Variants in MAP2 observed in about 807,000 individuals in gnomAD.
MAP2 encodes the protein microtubule associated protein 2, also known as microtubule-associated protein 2.
In MAP2, 14 loss-of-function variants were observed where a neutral mutation model predicts 137.6. The observed-to-expected ratio is 0.10, with a 90% confidence interval of 0.07 to 0.16. MAP2 has a LOEUF of 0.16. Among genes scored for constraint, MAP2 ranks in the 10% least tolerant of loss-of-function variants. MAP2 has a pLI of 1.00. For synonymous variants in MAP2, 786 were observed against 782.3 expected (o/e 1.00, Z -0.08); for missense variants, 2,088 against 2,191.5 (o/e 0.95, Z 0.94).
intron 5 of MAP2, among the ~76,000 whole-genome samples, chr2:209,674,710 A>G (rs1422604197): frequency 6.6e-6 from 1 of 151,800 alleles, no homozygotes; most frequent in African/African-American, 2.4e-5. Context: ...TACATATATA[A>G]TCACACACAT....
intron 1 of MAP2, among the ~76,000 whole-genome samples, chr2:209,445,350 GAATAT>G (rs1030473872): frequency 1.3e-5 from 2 of 151,630 alleles, no homozygotes; most frequent in African/African-American, 4.8e-5. Flanking sequence ...TGGTGAAAGT[GAATAT>G]CACTGAAAGC....
intron 1 of MAP2, among the ~76,000 whole-genome samples, chr2:209,474,551 A>G (rs1706673330): frequency 6.6e-6 from 1 of 152,078 alleles, no homozygotes; most frequent in Non-Finnish European, 1.5e-5. Context: ...ATATTCCATA[A>G]TCTCCTGCTT....
chr2:209,610,583 G>A (rs1175189931), intron 3 of MAP2, among the ~76,000 whole-genome samples: 1 of 151,748 alleles, frequency 6.6e-6, no homozygotes, highest in Non-Finnish European at 1.5e-5. Context: ...CAAATAACTT[G>A]TTATCAAAAG....
intron 1 of MAP2, among the ~76,000 whole-genome samples, chr2:209,482,798 T>C (rs1163854094): frequency 6.6e-6 from 1 of 152,250 alleles, no homozygotes; most frequent in Non-Finnish European, 1.5e-5. Flanking sequence ...TTTGCCTGTT[T>C]CTGTAAGATT....
At chr2:209,554,607 G>C (rs781204407) in intron 2 of MAP2, among the ~76,000 whole-genome samples, 1 of 152,054 alleles carries the variant, frequency 6.6e-6, no homozygotes, top group African/African-American at 2.4e-5. Flanking sequence ...GGACAACGTG[G>C]TGAAGCGTTG....
At chr2:209,718,645 G>T (rs555403770) in intron 13 of MAP2, among the ~76,000 whole-genome samples, 1 of 152,080 alleles carries the variant, frequency 6.6e-6, no homozygotes, top group African/African-American at 2.4e-5. Flanking sequence ...TGTGCCATGC[G>T]ACTCAGCTTG....
intron 2 of MAP2, among the ~76,000 whole-genome samples, chr2:209,572,658 C>T (rs547375652): frequency 8.5e-5 from 13 of 152,188 alleles, no homozygotes; most frequent in Middle Eastern, 3.4e-3. Context: ...TCAAGTGATT[C>T]AAGGATTCTA....
At position 209,694,095 on chromosome 2, in the gene MAP2, A is replaced by G; in HGVS notation, c.1925A>G (p.Gln642Arg). 1 of 1,613,836 alleles carries G rather than the reference A, an allele frequency of 6.2e-7. No individual in the cohort carries two copies. Among genetic ancestry groups the G allele is most frequent in the South Asian group, 1.1e-5 (1 of 91,036 alleles). ...GAAGCAGGGTACAGCACTCTCGCAC[A>G]GAGTTATCCATCAGATTTACCTGAA... ...AQEAGYSTLA[Q>R]SYPSDLPEEP... The change falls in exon 8 of 16, where the codon CAG (glutamine) becomes CGG (arginine). Residue 642 changes from glutamine to arginine, a missense_variant. Physicochemically the swap from Gln to Arg is conservative, Grantham distance 43 (BLOSUM62 1). This residue lies in a region of MAP2 where 859 missense variants were observed against 794.5 expected (regional missense o/e 1.08). Coordinates refer to ENST00000682079, the MANE Select transcript of MAP2 (RefSeq NM_001375505.1).
At chr2:209,488,238 C>T (rs923836824) in intron 1 of MAP2, among the ~76,000 whole-genome samples, 12 of 152,180 alleles carry the variant, frequency 7.9e-5, no homozygotes, top group African/African-American at 2.4e-4. Context: ...CCGTGAGAGA[C>T]GGAGCTATCT....
intron 1 of MAP2, among the ~76,000 whole-genome samples, chr2:209,480,702 T>C (rs1421246717): frequency 6.6e-6 from 1 of 152,170 alleles, no homozygotes; most frequent in Non-Finnish European, 1.5e-5. Context: ...ATAATCAGGC[T>C]CTTTCACCTG....
chr2:209,648,621 C>CA (rs1228232293), intron 4 of MAP2, among the ~76,000 whole-genome samples: 15,314 of 51,138 alleles, frequency 0.3, 1,502 homozygotes, highest in East Asian at 0.34. Context: ...ACTAAAAATA[C>CA]AAAAAAAAAA....
intron 1 of MAP2, among the ~76,000 whole-genome samples, chr2:209,494,433 A>T (rs1030225758): frequency 9.8e-5 from 12 of 122,990 alleles, no homozygotes; most frequent in East Asian, 4.1e-4. Context: ...AAGTATAATT[A>T]AAAAAAAAAA....
chr2:209,607,713 G>T (rs759375406), intron 3 of MAP2, among the ~76,000 whole-genome samples: 10 of 152,202 alleles, frequency 6.6e-5, no homozygotes, highest in Non-Finnish European at 1.2e-4. Context: ...GGGATTACAG[G>T]CATGAGCGAC....
At chr2:209,556,999 G>T (rs1324010601) in intron 2 of MAP2, among the ~76,000 whole-genome samples, 1 of 152,104 alleles carries the variant, frequency 6.6e-6, no homozygotes, top group African/African-American at 2.4e-5. Context: ...GGTGAATTAA[G>T]TTGACATCTA....
intron 5 of MAP2, among the ~76,000 whole-genome samples, chr2:209,677,247 C>T (rs2052264076): frequency 6.6e-6 from 1 of 151,832 alleles, no homozygotes; most frequent in Non-Finnish European, 1.5e-5. Flanking sequence ...AACACTAAAA[C>T]AAATATGCTA....
At chr2:209,612,081 T>C (rs930370425) in intron 3 of MAP2, among the ~76,000 whole-genome samples, 3 of 152,200 alleles carry the variant, frequency 2.0e-5, no homozygotes, top group African/African-American at 7.2e-5. Context: ...GAGATGGCTC[T>C]GTGATATGTG....
intron 3 of MAP2, among the ~76,000 whole-genome samples, chr2:209,615,287 A>G (rs2088806619): frequency 6.6e-6 from 1 of 152,190 alleles, no homozygotes; most frequent in South Asian, 2.1e-4. Context: ...ACTCAAGGCT[A>G]TTAGTGAGTG....
At chr2:209,592,220 C>A (rs1228111917) in intron 3 of MAP2, among the ~76,000 whole-genome samples, 2 of 152,026 alleles carry the variant, frequency 1.3e-5, no homozygotes, top group Non-Finnish European at 2.9e-5. Flanking sequence ...CAGTTTCTGT[C>A]GCAGCTACAA....
At chr2:209,712,195 A>G (rs964555995) in intron 13 of MAP2, among the ~76,000 whole-genome samples, 1 of 152,120 alleles carries the variant, frequency 6.6e-6, no homozygotes, top group African/African-American at 2.4e-5. Flanking sequence ...CTGATTCTTT[A>G]TCATATCTGG....
Sources: allele counts gnomAD v4.1 joint callset (sites outside exome capture counted in the v4.1 genomes callset), GRCh38; gene constraint gnomAD v4.1.1; regional missense constraint gnomAD v4.1.1; transcripts MANE v1.5; gene names NCBI Gene and HGNC (gene_info 2026-07-23, HGNC 2026-07-21).